PALLD: variants seen among roughly 807,000 people sequenced by gnomAD.
The protein encoded by PALLD is palladin, cytoskeletal associated protein.
In PALLD, 61 loss-of-function variants were observed where a neutral mutation model predicts 123.5. The observed-to-expected ratio is 0.49, with a 90% confidence interval of 0.40 to 0.61. The LOEUF is 0.61. Ranked by LOEUF, PALLD falls within the 20% of genes least tolerant of loss-of-function variation. PALLD has a pLI of 0.00. For synonymous variants in PALLD, 465 were observed against 496.4 expected (o/e 0.94, Z 0.84); for missense variants, 1,273 against 1,377.0 (o/e 0.92, Z 1.20).
chr4:168,586,508 A>G (rs13107779), intron 2 of PALLD, among the ~76,000 whole-genome samples: 40,535 of 152,010 alleles, frequency 0.27, 5,493 homozygotes, highest in East Asian at 0.38. Context: ...GGAGGAGCGA[A>G]TCCCTCTCTT....
chr4:168,731,052 C>T (rs1424214897), intron 10 of PALLD, among the ~76,000 whole-genome samples: 1 of 152,156 alleles, frequency 6.6e-6, no homozygotes, highest in Non-Finnish European at 1.5e-5. Flanking sequence ...GTACTAAGCT[C>T]CATTCCTCTT....
At chr4:168,536,474 G>T (rs905857691) in intron 2 of PALLD, 2 of 152,204 alleles carry the variant, frequency 1.3e-5, no homozygotes, top group Non-Finnish European at 2.9e-5. Context: ...AACTGCCTGA[G>T]ATTAGGTAAT....
intron 5 of PALLD, among the ~76,000 whole-genome samples, chr4:168,684,802 C>G (rs963534674): frequency 4.6e-5 from 7 of 152,166 alleles, no homozygotes; most frequent in Non-Finnish European, 7.4e-5. Flanking sequence ...TATTTAGACA[C>G]ACGATACCAG....
intron 2 of PALLD, among the ~76,000 whole-genome samples, chr4:168,659,448 G>A (rs1778920245): frequency 6.6e-6 from 1 of 152,148 alleles, no homozygotes; most frequent in African/African-American, 2.4e-5. Flanking sequence ...GGCTAAATTT[G>A]CCATCCTGAA....
intron 2 of PALLD, among the ~76,000 whole-genome samples, chr4:168,530,364 T>C (rs1764489671): frequency 1.3e-5 from 2 of 152,222 alleles, no homozygotes; most frequent in Non-Finnish European, 2.9e-5. Context: ...AGAACACTCC[T>C]TGAGTGTAAA....
chr4:168,865,901 G>GTATATTTTCTTA (rs1750199101), intron 10 of PALLD, among the ~76,000 whole-genome samples: 1 of 152,152 alleles, frequency 6.6e-6, no homozygotes, highest in African/African-American at 2.4e-5. Flanking sequence ...ACAGAAAATT[G>GTATATTTTCTTA]GTGGCACAGT....
chr4:168,647,840 G>C (rs1486006992), intron 2 of PALLD: 2 of 148,682 alleles, frequency 1.3e-5, no homozygotes, highest in South Asian at 2.1e-4. Context: ...TACAAAGAAA[G>C]TCTTGGCAGT....
chr4:168,739,737 T>C (rs1788142934), intron 10 of PALLD, among the ~76,000 whole-genome samples: 1 of 152,174 alleles, frequency 6.6e-6, no homozygotes, highest in Admixed American at 6.5e-5. Flanking sequence ...AAAAAGCCCA[T>C]GTTGTTGATA....
chr4:168,504,692 G>A (rs998338056), intron 1 of PALLD: 1 of 152,168 alleles, frequency 6.6e-6, no homozygotes, highest in African/African-American at 2.4e-5. Context: ...AGACAAGGAT[G>A]AGAAAAAGAA....
chr4:168,555,161 A>G (rs1322892363), intron 2 of PALLD, among the ~76,000 whole-genome samples: 1 of 152,228 alleles, frequency 6.6e-6, no homozygotes, highest in Non-Finnish European at 1.5e-5. Flanking sequence ...ATTTATACGA[A>G]TATTAAGGAT....
chr4:168,883,868 T>C (rs1311333125), intron 10 of PALLD, among the ~76,000 whole-genome samples: 1 of 152,098 alleles, frequency 6.6e-6, no homozygotes, highest in African/African-American at 2.4e-5. Flanking sequence ...CCTCTGAGTA[T>C]GGATTTTTGT....
intron 2 of PALLD, among the ~76,000 whole-genome samples, chr4:168,568,696 G>A (rs1768662013): frequency 6.6e-6 from 1 of 151,498 alleles, no homozygotes; most frequent in Non-Finnish European, 1.5e-5. Context: ...TTTGAAATTT[G>A]GGAAATTTTT....
rs149471186 is a variant in PALLD at position 168,543,573 on chromosome 4, G to T, written c.908+31161G>T. 1.9e-3 allele frequency among the ~76,000 whole-genome samples: 290 copies of T among 152,068 alleles called. 6 individuals are homozygous for T. The East Asian group carries it at 0.036, about 19-fold the overall frequency. On this transcript the variant is annotated intron_variant, in intron 2 of 21. Transcript: ENST00000505667. ...AGGAGGGCAAAAAAAAAAATTAAATGAAGTAAATGAAAATGAGCTAAATGT... is the reference window on the plus strand; with the variant it reads ...AGGAGGGCAAAAAAAAAAATTAAATTAAGTAAATGAAAATGAGCTAAATGT...
intron 2 of PALLD, among the ~76,000 whole-genome samples, chr4:168,596,325 A>C (rs1290273756): frequency 2.0e-5 from 3 of 152,106 alleles, no homozygotes; most frequent in Admixed American, 1.3e-4. Context: ...GGGTGTGATT[A>C]TTTATTCCTT....
rs184106989 is a variant in PALLD at position 168,928,009 on chromosome 4, T to C, written c.*1829T>C. ...ATATCTGTGTACCACCCCATATATT[T>C]CATATTACTGTTTCACATGTACAGC... is the stretch of plus-strand genomic sequence containing the variant. On this transcript the variant is annotated 3_prime_UTR_variant, in exon 22 of 22. Coordinates refer to ENST00000505667, the MANE Select transcript of PALLD (RefSeq NM_001166108.2). 111 of 195,584 alleles carry C rather than the reference T, an allele frequency of 5.7e-4. 1 individual carries two copies. The East Asian group carries it at 6.1e-3, about 11-fold the overall frequency. The allele number at this position is 195,584 out of a possible 1,614,324, so 12.1% of individuals were successfully genotyped here. A position where few individuals can be genotyped will look rare whatever the true frequency, so the allele number is the denominator to read the frequency against.
rs529258599 is a variant in PALLD, at chr4:168,715,949, C to CA, written c.1964+4038dup. 7.4e-3 allele frequency among the ~76,000 whole-genome samples: 1,035 copies of CA among 140,730 alleles called. 13 individuals are homozygous for CA. Among genetic ancestry groups the CA allele is most frequent in the African/African-American group, 0.023 (878 of 38,504 alleles). 92.3% of individuals were successfully genotyped at this position (140,730 alleles called of 152,430 possible). On this transcript the variant is annotated intron_variant, in intron 10 of 21. Coordinates refer to ENST00000505667, the MANE Select transcript of PALLD (RefSeq NM_001166108.2). Reference sequence around the variant, plus strand: ...TGGGTGACAGAGCGACACTCCATCTCAAAAAAAAAAAAGTCAAAACCATAG... The same window carrying CA: ...TGGGTGACAGAGCGACACTCCATCTCAAAAAAAAAAAAAGTCAAAACCATAG...
In PALLD at chr4:168,894,399, A is replaced by G. The variant is rs929465380; in HGVS notation, c.2101-180A>G. 6 of 629,774 alleles carry G rather than the reference A, an allele frequency of 9.5e-6. No individual in the cohort carries two copies. The African/African-American group carries it at 1.1e-4, about 11-fold the overall frequency. The allele number at this position is 629,774 out of a possible 1,614,324, so 39.0% of individuals were successfully genotyped here. On this transcript the variant is annotated intron_variant, in intron 11 of 21. Coordinates refer to ENST00000505667, the MANE Select transcript of PALLD (RefSeq NM_001166108.2). ...CTGGATTAGGCCATTAGTACTAGAAAGGGAGGTAAAAAGGTAGAACAACTG... is the reference window on the plus strand; with the variant it reads ...CTGGATTAGGCCATTAGTACTAGAAGGGGAGGTAAAAAGGTAGAACAACTG...
intron 10 of PALLD, among the ~76,000 whole-genome samples, chr4:168,719,467 C>T (rs1050221605): frequency 2.0e-5 from 3 of 151,874 alleles, no homozygotes; most frequent in Non-Finnish European, 2.9e-5. Context: ...ACCATGTTGG[C>T]CAGGCTGGTC....
At chr4:168,585,564 T>C (rs1034786307) in intron 2 of PALLD, among the ~76,000 whole-genome samples, 3 of 146,094 alleles carry the variant, frequency 2.1e-5, no homozygotes, top group Non-Finnish European at 4.5e-5. Context: ...GAAGGCACTC[T>C]TAGATAGAAG....
Sources: gnomAD v4.1 joint callset for allele counts (sites outside exome capture counted in the v4.1 genomes callset) on GRCh38, gnomAD v4.1.1 for gene constraint, MANE v1.5 for transcripts, NCBI Gene and HGNC (gene_info 2026-07-23, HGNC 2026-07-21) for gene names.